SDK1: variants seen among roughly 807,000 people sequenced by gnomAD.
SDK1 encodes protein sidekick-1.
A neutral mutation model predicts 245.5 loss-of-function variants in SDK1; 157 were observed. The ratio of observed to expected loss-of-function variants is 0.64; its 90% CI spans 0.56 to 0.73. The LOEUF is 0.73. Among genes scored for constraint, SDK1 ranks in the 30% least tolerant of loss-of-function variants. The pLI, the probability that SDK1 is intolerant of heterozygous loss-of-function variation, is 0.00. For synonymous variants in SDK1, 1,647 were observed against 1,278.5 expected, an observed-to-expected ratio of 1.29 and a Z score of -6.15; for missense variants, 3,583 against 3,002.3, an observed-to-expected ratio of 1.19 and a Z score of -4.52.
At chr7:3,411,058 TAATG>T (rs2128577440) in intron 1 of SDK1, among the ~76,000 whole-genome samples, 2 of 152,300 alleles carry the variant, frequency 1.3e-5, no homozygotes, top group East Asian at 3.9e-4. Context: ...AAGAGCTTTG[TAATG>T]AAAATCATCA....
At chr7:3,940,590 C>G (rs1192880480) in intron 5 of SDK1, among the ~76,000 whole-genome samples, 1 of 152,128 alleles carries the variant, frequency 6.6e-6, no homozygotes, top group Admixed American at 6.5e-5. Context: ...CGCCTGTAAT[C>G]CCAGCACTTT....
intron 5 of SDK1, among the ~76,000 whole-genome samples, chr7:3,933,259 C>T (rs1040495328): frequency 6.6e-6 from 1 of 150,698 alleles, no homozygotes; most frequent in Admixed American, 6.6e-5. Flanking sequence ...TACAGGCTTG[C>T]ACCACCACTC....
intron 2 of SDK1, among the ~76,000 whole-genome samples, chr7:3,621,379 C>T (rs1781933575): frequency 1.3e-5 from 2 of 152,076 alleles, no homozygotes; most frequent in Admixed American, 6.5e-5. Context: ...CCCACATCAC[C>T]CTCATTTTTA....
In SDK1 at chr7:3,825,118, C is replaced by A. The variant is rs189793577; in HGVS notation, c.847+3535C>A. 3.6e-3 allele frequency among the ~76,000 whole-genome samples: 546 copies of A among 152,158 alleles called. 13 individuals carry two copies. Among genetic ancestry groups the A allele is most frequent in the Admixed American group, 0.034 (514 of 15,284 alleles). On this transcript the variant is annotated intron_variant, in intron 5 of 44. Coordinates refer to ENST00000404826, the MANE Select transcript of SDK1 (RefSeq NM_152744.4). ...TGCATGAATTTTTCATGGCCAGCTCCCACTGCTCAGGTGCACACCAGAAAA... is the reference window on the plus strand; with the variant it reads ...TGCATGAATTTTTCATGGCCAGCTCACACTGCTCAGGTGCACACCAGAAAA...
chr7:3,874,336 C>G (rs1467409244), intron 5 of SDK1, among the ~76,000 whole-genome samples: 1 of 152,164 alleles, frequency 6.6e-6, no homozygotes, highest in East Asian at 1.9e-4. Flanking sequence ...GCACTGGTCC[C>G]CTCAGGGAAT....
At chr7:3,483,543 A>G (rs1781582262) in intron 1 of SDK1, among the ~76,000 whole-genome samples, 1 of 152,106 alleles carries the variant, frequency 6.6e-6, no homozygotes, top group Non-Finnish European at 1.5e-5. Flanking sequence ...TTCTGTCTCT[A>G]AATTTTTATC....
intron 28 of SDK1, 110 bp downstream of exon 28, chr7:4,132,533 G>A (rs528134724): frequency 2.9e-6 from 2 of 699,602 alleles, no homozygotes; most frequent in African/African-American, 1.7e-5. Flanking sequence ...ACCAGCCTGG[G>A]CAACATTGTG....
At chr7:3,907,514 C>A (rs945631218) in intron 5 of SDK1, among the ~76,000 whole-genome samples, 1 of 152,164 alleles carries the variant, frequency 6.6e-6, no homozygotes, top group Admixed American at 6.5e-5. Context: ...TCCACTTGCC[C>A]GTTCATGTAC....
At chr7:3,312,140 C>G (rs1249274837) in intron 1 of SDK1, among the ~76,000 whole-genome samples, 1 of 152,166 alleles carries the variant, frequency 6.6e-6, no homozygotes, top group African/African-American at 2.4e-5. Context: ...CAAGATTGCA[C>G]CTCATAATTG....
chr7:3,546,938 T>C (rs1342935917), intron 1 of SDK1, among the ~76,000 whole-genome samples: 5 of 152,188 alleles, frequency 3.3e-5, no homozygotes, highest in African/African-American at 1.2e-4. Context: ...ATCAGAAAGA[T>C]CTATGAAGTC....
intron 4 of SDK1, among the ~76,000 whole-genome samples, chr7:3,721,419 C>T (rs1267955130): frequency 6.6e-6 from 1 of 151,674 alleles, no homozygotes; most frequent in Non-Finnish European, 1.5e-5. Flanking sequence ...TTTCTTTGAA[C>T]TCCTCGTAAA....
chr7:4,267,068 G>A lies in SDK1; in HGVS notation c.*1684G>A, dbSNP rs1021277168. The A allele has an allele frequency of 1.7e-5, 17 of 985,346 alleles. No homozygotes were observed. The highest frequency in any genetic ancestry group is 6.1e-5 in the Admixed American group (1 of 16,270). The allele number at this position is 985,346 out of a possible 1,614,324, so 61.0% of individuals were successfully genotyped here. On this transcript the variant is annotated 3_prime_UTR_variant, in exon 45 of 45. Transcript: ENST00000404826. The stretch of plus-strand genomic sequence containing the variant: ...ATTGCCTGGATTCTGTGCTGTCAGC[G>A]TTGCTGAGTATGGCCCCAGGAGACC...
At chr7:3,899,156 G>T (rs556719751) in intron 5 of SDK1, among the ~76,000 whole-genome samples, 27 of 152,274 alleles carry the variant, frequency 1.8e-4, no homozygotes, top group African/African-American at 6.0e-4. Flanking sequence ...AATTGTCTTT[G>T]GAAAGCAAAG....
intron 1 of SDK1, chr7:3,302,556 G>C (rs1382855851): frequency 3.3e-5 from 5 of 152,112 alleles, no homozygotes; most frequent in African/African-American, 9.6e-5. Context: ...CTTTTGAAAC[G>C]AGAGATGGGA....
At chr7:3,697,584 C>T (rs1214375021) in intron 4 of SDK1, among the ~76,000 whole-genome samples, 1 of 152,072 alleles carries the variant, frequency 6.6e-6, no homozygotes, top group Non-Finnish European at 1.5e-5. Flanking sequence ...TACTGCTTGC[C>T]CCACATGATT....
intron 1 of SDK1, among the ~76,000 whole-genome samples, chr7:3,437,587 C>T (rs142256996): frequency 2.0e-5 from 3 of 152,092 alleles, no homozygotes; most frequent in Non-Finnish European, 2.9e-5. Context: ...GCCTGGGCAA[C>T]AGCAAGACCC....
chr7:4,168,401 C>T (rs1781630184), intron 32 of SDK1, among the ~76,000 whole-genome samples: 1 of 152,226 alleles, frequency 6.6e-6, no homozygotes, highest in Non-Finnish European at 1.5e-5. Flanking sequence ...TCTAAATCAT[C>T]TCATTCGCCT....
intron 22 of SDK1, among the ~76,000 whole-genome samples, chr7:4,083,617 G>GTCCC (rs1378570227): frequency 2.8e-5 from 1 of 35,808 alleles, no homozygotes; most frequent in Non-Finnish European, 4.8e-5. Context: ...CCCTTCTCTT[G>GTCCC]TCCCTCCCTC....
chr7:3,663,904 G>A (rs1464848748), intron 4 of SDK1, among the ~76,000 whole-genome samples: 1 of 152,168 alleles, frequency 6.6e-6, no homozygotes, highest in Non-Finnish European at 1.5e-5. Context: ...ATTTTTCTTA[G>A]GAATGTATCA....
Sources: allele counts gnomAD v4.1 joint callset (sites outside exome capture counted in the v4.1 genomes callset), GRCh38; gene constraint gnomAD v4.1.1; transcripts MANE v1.5; gene names NCBI Gene and HGNC (gene_info 2026-07-23, HGNC 2026-07-21).